The following SPON1 variants were observed in gnomAD, a reference collection of about 807,000 sequenced individuals.
SPON1 encodes spondin-1.
Under a neutral mutation model 111.7 loss-of-function variants are expected in SPON1, and 52 were observed. That is an observed-to-expected ratio of 0.47 (90% CI 0.37 to 0.59). The LOEUF is 0.59. Ranked by LOEUF, SPON1 falls within the 20% of genes least tolerant of loss-of-function variation. The pLI is 0.00. For missense variants in SPON1, 957 were observed against 1,068.5 expected (o/e 0.90, Z 1.46); for synonymous variants, 410 against 395.8 (o/e 1.04, Z -0.43).
chr11:14,160,663 A>ATATATTTT (rs1554930945), intron 6 of SPON1, among the ~76,000 whole-genome samples: 37 of 25,070 alleles, frequency 1.5e-3, no homozygotes, highest in South Asian at 3.9e-3. Context: ...ATATTTATAT[A>ATATATTTT]TATATTTACA....
intron 2 of SPON1, among the ~76,000 whole-genome samples, chr11:13,985,819 C>A (rs1378895529): frequency 6.6e-6 from 1 of 152,118 alleles, no homozygotes; most frequent in Non-Finnish European, 1.5e-5. Flanking sequence ...TTTCTTATTT[C>A]TCAAAAGTTA....
At chr11:14,003,411 A>G (rs1554912688) in intron 2 of SPON1, among the ~76,000 whole-genome samples, 1 of 152,164 alleles carries the variant, frequency 6.6e-6, no homozygotes, top group African/African-American at 2.4e-5. Context: ...GGTCCAGGGT[A>G]TGGAGTTTTT....
At chr11:14,019,455 A>G (rs1333120984) in intron 2 of SPON1, among the ~76,000 whole-genome samples, 1 of 151,434 alleles carries the variant, frequency 6.6e-6, no homozygotes, top group Non-Finnish European at 1.5e-5. Flanking sequence ...GTTCTAGATC[A>G]TAACAGGCAC....
At chr11:14,163,162 A>C (rs797033896) in intron 6 of SPON1, among the ~76,000 whole-genome samples, 6 of 152,312 alleles carry the variant, frequency 3.9e-5, no homozygotes, top group African/African-American at 1.4e-4. Flanking sequence ...TGTGTTAACA[A>C]ATACCAGACT....
chr11:14,214,851 G>A (rs1462837729), intron 6 of SPON1, among the ~76,000 whole-genome samples: 1 of 152,176 alleles, frequency 6.6e-6, no homozygotes, highest in Non-Finnish European at 1.5e-5. Context: ...AGAGGATGAA[G>A]GGGATGTGTT....
Position 14,259,507 on chromosome 11 carries a change from C to T in SPON1, c.1664-27C>T, listed in dbSNP as rs782352199. 21 of 1,565,268 alleles carry T rather than the reference C, an allele frequency of 1.3e-5. No homozygotes were observed. The highest frequency in any genetic ancestry group is 7.1e-5 in the South Asian group (6 of 85,082). ...AAGTAGGTCGGGGAGGCAGCAGGTGCGACTCCAATGCCGCTGGCCTCCCCA... is the reference window on the plus strand; with the variant it reads ...AAGTAGGTCGGGGAGGCAGCAGGTGTGACTCCAATGCCGCTGGCCTCCCCA... On this transcript the variant is annotated intron_variant, in intron 12 of 15. Transcript: ENST00000576479. This position sits in a 1 kb window ranked among gnomAD's most constrained non-coding sequence, Gnocchi z 5.0.
intron 6 of SPON1, among the ~76,000 whole-genome samples, chr11:14,207,359 T>C (rs1554936289): frequency 6.6e-6 from 1 of 151,950 alleles, no homozygotes; most frequent in African/African-American, 2.4e-5. Context: ...AAAGCAAAAA[T>C]TGACAAATGG....
At chr11:13,970,506 G>A (rs1848054413) in intron 1 of SPON1, among the ~76,000 whole-genome samples, 1 of 152,134 alleles carries the variant, frequency 6.6e-6, no homozygotes, top group Non-Finnish European at 1.5e-5. Context: ...CACCATCTGT[G>A]GGGCAGGAGT....
intron 5 of SPON1, among the ~76,000 whole-genome samples, chr11:14,086,719 T>A (rs1407114072): frequency 6.6e-6 from 1 of 152,212 alleles, no homozygotes; most frequent in East Asian, 1.9e-4. Flanking sequence ...TCAGAAGGAA[T>A]GGTACCAACT....
intron 2 of SPON1, among the ~76,000 whole-genome samples, chr11:13,983,364 T>A (rs1848159107): frequency 6.6e-6 from 1 of 152,228 alleles, no homozygotes; most frequent in African/African-American, 2.4e-5. Context: ...GGAGAAGGAC[T>A]ATTAAGGGAA....
At chr11:14,194,312 T>C (rs1848378126) in intron 6 of SPON1, among the ~76,000 whole-genome samples, 2 of 152,170 alleles carry the variant, frequency 1.3e-5, no homozygotes, top group African/African-American at 2.4e-5. Flanking sequence ...GGGCATGGAA[T>C]TGAATAATCT....
At chr11:14,123,801 T>C (rs75888077) in intron 5 of SPON1, among the ~76,000 whole-genome samples, 3,191 of 152,352 alleles carry the variant, frequency 0.021, 104 homozygotes, top group African/African-American at 0.072. Flanking sequence ...TCCACCTTCC[T>C]GCACCACAAA....
chr11:13,979,432 A>G (rs1226499711), intron 1 of SPON1, among the ~76,000 whole-genome samples: 1 of 152,168 alleles, frequency 6.6e-6, no homozygotes, highest in East Asian at 1.9e-4. Context: ...CTTAAACCGT[A>G]ACACAAGCCT....
At chr11:14,082,457 A>G (rs1000684476) in intron 5 of SPON1, among the ~76,000 whole-genome samples, 4 of 152,256 alleles carry the variant, frequency 2.6e-5, no homozygotes, top group Admixed American at 6.5e-5. Context: ...CCACTAGACC[A>G]AGAAGTCCTC....
chr11:14,264,658 A>G (rs905713832), intron 15 of SPON1, among the ~76,000 whole-genome samples: 4 of 152,202 alleles, frequency 2.6e-5, no homozygotes, highest in Non-Finnish European at 5.9e-5. Flanking sequence ...TGGCAGGTAC[A>G]TAGTTGTACG....
intron 2 of SPON1, among the ~76,000 whole-genome samples, chr11:13,990,106 A>G (rs1554910916): frequency 2.0e-5 from 3 of 151,726 alleles, no homozygotes; most frequent in African/African-American, 7.3e-5. Context: ...ATCCTTGTTA[A>G]TTTTCTATCT....
chr11:13,966,021 C>A (rs1206251925), intron 1 of SPON1, among the ~76,000 whole-genome samples: 1 of 152,172 alleles, frequency 6.6e-6, no homozygotes, highest in Non-Finnish European at 1.5e-5. Context: ...TAAGTACAGT[C>A]TTTAGGTACT....
intron 1 of SPON1, among the ~76,000 whole-genome samples, chr11:13,969,954 G>C (rs1194355256): frequency 1.3e-5 from 2 of 152,220 alleles, no homozygotes; most frequent in African/African-American, 4.8e-5. Context: ...TAAGGGAGCT[G>C]AGAGGCTCAT....
At chr11:14,149,647 TTTG>T (rs1444635020) in intron 6 of SPON1, among the ~76,000 whole-genome samples, 2 of 152,184 alleles carry the variant, frequency 1.3e-5, no homozygotes. Context: ...AGGTGTACCA[TTTG>T]TTATCTTTTA....
Sources: allele counts gnomAD v4.1 joint callset (sites outside exome capture counted in the v4.1 genomes callset), GRCh38; gene constraint gnomAD v4.1.1; non-coding constraint Gnocchi (gnomAD v3.1); transcripts MANE v1.5; gene names NCBI Gene and HGNC (gene_info 2026-07-23, HGNC 2026-07-21).